The following ZBTB16 variants were observed in gnomAD, a reference collection of about 807,000 sequenced individuals.
ZBTB16 encodes the protein zinc finger and BTB domain containing 16.
Under a neutral mutation model 56.8 loss-of-function variants are expected in ZBTB16, and 8 were observed. The observed-to-expected ratio is 0.14, with a 90% confidence interval of 0.08 to 0.25. The LOEUF is 0.25. Ranked by LOEUF, ZBTB16 falls within the 10% of genes least tolerant of loss-of-function variation. ZBTB16 has a pLI of 1.00. For missense variants in ZBTB16, 625 were observed against 903.0 expected (o/e 0.69, Z 3.95); for synonymous variants, 363 against 368.5 (o/e 0.98, Z 0.17).
intron 2 of ZBTB16, among the ~76,000 whole-genome samples, chr11:114,129,791 C>G (rs931413954): frequency 3.3e-5 from 5 of 152,228 alleles, no homozygotes; most frequent in African/African-American, 1.2e-4. Context: ...CCTAGGCTCC[C>G]TTTTCTATCT....
intron 3 of ZBTB16, among the ~76,000 whole-genome samples, chr11:114,161,580 G>A (rs1942590586): frequency 6.6e-6 from 1 of 152,206 alleles, no homozygotes; most frequent in African/African-American, 2.4e-5. Context: ...CATTTTGAAA[G>A]GACTCGGTGA....
chr11:114,144,447 C>G (rs965128895), intron 2 of ZBTB16, among the ~76,000 whole-genome samples: 1 of 152,228 alleles, frequency 6.6e-6, no homozygotes, highest in African/African-American at 2.4e-5. Flanking sequence ...GGGCCTTGCT[C>G]TGTCCCAGCC....
At chr11:114,233,426 G>C (rs1484031253) in intron 4 of ZBTB16, among the ~76,000 whole-genome samples, 2 of 151,940 alleles carry the variant, frequency 1.3e-5, no homozygotes, top group Non-Finnish European at 2.9e-5. Flanking sequence ...GACTTGATTT[G>C]GCTTCTTGCA....
intron 4 of ZBTB16, among the ~76,000 whole-genome samples, chr11:114,228,267 ATAAC>A (rs1333718007): frequency 6.6e-6 from 1 of 152,234 alleles, no homozygotes; most frequent in Non-Finnish European, 1.5e-5. Flanking sequence ...CTGTAATTGA[ATAAC>A]TACCATATTT....
intron 2 of ZBTB16, among the ~76,000 whole-genome samples, chr11:114,106,647 T>C (rs1345575277): frequency 1.3e-5 from 2 of 151,980 alleles, no homozygotes; most frequent in Non-Finnish European, 2.9e-5. Flanking sequence ...ATTTTTAAAA[T>C]TTTTTTAGTA....
intron 4 of ZBTB16, among the ~76,000 whole-genome samples, chr11:114,223,782 G>A (rs1944282534): frequency 6.6e-6 from 1 of 152,140 alleles, no homozygotes; most frequent in Non-Finnish European, 1.5e-5. Context: ...CAACTTGGAT[G>A]GAGGCTTCCT....
At chr11:114,170,407 A>C (rs189744100) in intron 3 of ZBTB16, among the ~76,000 whole-genome samples, 6 of 152,324 alleles carry the variant, frequency 3.9e-5, no homozygotes, top group Admixed American at 6.5e-5. Context: ...GTATGCCTTT[A>C]GTGAAGACTG....
At chr11:114,139,379 C>T (rs186393324) in intron 2 of ZBTB16, among the ~76,000 whole-genome samples, 1 of 152,204 alleles carries the variant, frequency 6.6e-6, no homozygotes, top group Admixed American at 6.5e-5. Flanking sequence ...CCTGCTTCTT[C>T]ACTCTCCGGC....
intron 2 of ZBTB16, among the ~76,000 whole-genome samples, chr11:114,065,932 G>T (rs73560765): frequency 1.7e-4 from 26 of 152,164 alleles, no homozygotes; most frequent in African/African-American, 6.0e-4. Flanking sequence ...TAAATAACAG[G>T]GGGGATAAGT....
chr11:114,125,241 A>T (rs1941474063), intron 2 of ZBTB16, among the ~76,000 whole-genome samples: 1 of 152,184 alleles, frequency 6.6e-6, no homozygotes, highest in African/African-American at 2.4e-5. Context: ...AATGTGCTTT[A>T]TTTTTATGAA....
At chr11:114,161,992 C>A (rs1289229680) in intron 3 of ZBTB16, among the ~76,000 whole-genome samples, 1 of 152,244 alleles carries the variant, frequency 6.6e-6, no homozygotes, top group Non-Finnish European at 1.5e-5. Context: ...CCACTCCTCT[C>A]TTGCCCTTGT....
rs1416398005 is a variant in ZBTB16, at chr11:114,095,226, A to ATTTCTTTTCTTTTCTTTTCT, written c.1268+30662_1268+30681dup. On this transcript the variant is annotated intron_variant, in intron 2 of 6. Coordinates refer to ENST00000335953, the MANE Select transcript of ZBTB16 (RefSeq NM_006006.6). Reference sequence around the variant, plus strand: ...CACAGTGTCGTGTCTTATGTAACCAATTTCTTTTCTTTTCTTTTCTTTTTT... The same window carrying ATTTCTTTTCTTTTCTTTTCT: ...CACAGTGTCGTGTCTTATGTAACCAATTTCTTTTCTTTTCTTTTCTTTTCTTTTCTTTTCTTTTCTTTTTT... Among the ~76,000 whole-genome samples, 10 of 67,648 alleles carry ATTTCTTTTCTTTTCTTTTCT rather than the reference A, an allele frequency of 1.5e-4. 1 individual carries two copies. The highest frequency in any genetic ancestry group is 2.5e-4 in the Non-Finnish European group (9 of 35,310). The allele number at this position is 67,648 out of a possible 152,430, so 44.4% of individuals were successfully genotyped here.
At chr11:114,131,291 C>T (rs1056662886) in intron 2 of ZBTB16, among the ~76,000 whole-genome samples, 4 of 152,228 alleles carry the variant, frequency 2.6e-5, no homozygotes, top group East Asian at 1.9e-4. Flanking sequence ...CCTGCTCCCC[C>T]ACCCCACTAC....
rs1943956903 is a variant in ZBTB16, at chr11:114,209,680, G to A, written c.1453+22642G>A. On this transcript the variant is annotated intron_variant, in intron 4 of 6. Coordinates refer to ENST00000335953, the MANE Select transcript of ZBTB16 (RefSeq NM_006006.6). ...TTAAGGAAGAGAAAAATTAACTGTT[G>A]GTCAGAGCAGGAGGCAAGGATAGAG... 3.0e-6 allele frequency: 3 copies of A among 985,300 alleles called. No homozygotes were observed. The South Asian group carries it at 1.4e-4, about 46-fold the overall frequency. 61.0% of individuals were successfully genotyped at this position (985,300 alleles called of 1,614,324 possible).
chr11:114,210,188 TGTGTGC>T (rs1340946545), intron 4 of ZBTB16, among the ~76,000 whole-genome samples: 1 of 143,978 alleles, frequency 6.9e-6, no homozygotes, highest in African/African-American at 2.6e-5. Context: ...TGTGTGTGTG[TGTGTGC>T]GTGCGCGCGC....
At chr11:114,109,155 C>T (rs1377488777) in intron 2 of ZBTB16, among the ~76,000 whole-genome samples, 1 of 152,240 alleles carries the variant, frequency 6.6e-6, no homozygotes, top group African/African-American at 2.4e-5. Context: ...CTCCAGATGT[C>T]TGTTCTTCTA....
chr11:114,224,820 ATGG>A (rs1300422034), intron 4 of ZBTB16, among the ~76,000 whole-genome samples: 3 of 152,216 alleles, frequency 2.0e-5, no homozygotes. Context: ...TCAGTTTTAG[ATGG>A]TGCTGAGAAG....
chr11:114,109,726 G>A (rs1376323754), intron 2 of ZBTB16, among the ~76,000 whole-genome samples: 1 of 150,932 alleles, frequency 6.6e-6, no homozygotes. Context: ...TGAACTCAGA[G>A]AGAGCTGTCT....
intron 2 of ZBTB16, among the ~76,000 whole-genome samples, chr11:114,082,715 T>A (rs962417049): frequency 5.3e-5 from 8 of 152,062 alleles, no homozygotes; most frequent in Non-Finnish European, 1.2e-4. Flanking sequence ...GGACATGAAA[T>A]GGACCCTTGC....
Sources: allele counts gnomAD v4.1 joint callset (sites outside exome capture counted in the v4.1 genomes callset), GRCh38; gene constraint gnomAD v4.1.1; transcripts MANE v1.5; gene names NCBI Gene and HGNC (gene_info 2026-07-23, HGNC 2026-07-21).